Variants in COTL1 observed in about 807,000 individuals in gnomAD.
COTL1 encodes coactosin-like protein.
A neutral mutation model predicts 16.5 loss-of-function variants in COTL1; 15 were observed. The ratio of observed to expected loss-of-function variants is 0.91; its 90% CI spans 0.61 to 1.40. COTL1 has a LOEUF of 1.40. COTL1 is among the 40% of genes most tolerant of loss of function. The probability of loss-of-function intolerance (pLI) is 0.00; values close to 1 mark genes in which losing one functional copy is unlikely to be tolerated. For synonymous variants in COTL1, 112 were observed against 85.3 expected (o/e 1.31, Z -1.73); for missense variants, 220 against 201.5 (o/e 1.09, Z -0.56).
chr16:84,599,746 T>C (rs929356090), intron 2 of COTL1, among the ~76,000 whole-genome samples: 3 of 152,068 alleles, frequency 2.0e-5, no homozygotes, highest in Non-Finnish European at 4.4e-5. Context: ...GGAGAGGTTA[T>C]GCAAACACGG....
In COTL1 at chr16:84,617,745, G is replaced by A. The variant is rs958109094; in HGVS notation, c.77+93C>T. The A allele has an allele frequency of 3.6e-5, 50 of 1,404,372 alleles. No individual in the cohort carries two copies. In the African/African-American group the frequency reaches 5.1e-4, roughly 14 times the overall value. 87.0% of individuals were successfully genotyped at this position (1,404,372 alleles called of 1,614,324 possible). ...TAAGGCGAGGAAGACAGCGCGGGAG[G>A]CCCGAATCCGTCCCGCCTGGAGGCC... On this transcript the variant is annotated intron_variant, in intron 1 of 3. Coordinates refer to ENST00000262428, the MANE Select transcript of COTL1 (RefSeq NM_021149.5).
chr16:84,597,483 G>A (rs888654456), intron 2 of COTL1, among the ~76,000 whole-genome samples: 3 of 152,150 alleles, frequency 2.0e-5, no homozygotes, highest in African/African-American at 4.8e-5. Context: ...CACAGCACCC[G>A]GGAACTTATT....
At chr16:84,579,788 A>G (rs1046451373) in intron 3 of COTL1, among the ~76,000 whole-genome samples, 4 of 152,214 alleles carry the variant, frequency 2.6e-5, no homozygotes, top group African/African-American at 9.7e-5. Flanking sequence ...GAGGTGGACA[A>G]AAGTATGCAG....
intron 2 of COTL1, among the ~76,000 whole-genome samples, chr16:84,608,179 G>A (rs1451519470): frequency 6.6e-6 from 1 of 152,158 alleles, no homozygotes; most frequent in East Asian, 1.9e-4. Context: ...AGAATGAAAT[G>A]GGGTAAAGAA....
At chr16:84,614,950 C>T (rs937374790) in intron 2 of COTL1, among the ~76,000 whole-genome samples, 2 of 152,156 alleles carry the variant, frequency 1.3e-5, no homozygotes, top group Non-Finnish European at 2.9e-5. Context: ...TGCAGGAAGC[C>T]TATTAACCTC....
chr16:84,591,677 G>T (rs1392807883), intron 2 of COTL1, among the ~76,000 whole-genome samples: 2 of 130,380 alleles, frequency 1.5e-5, no homozygotes, highest in Admixed American at 7.6e-5. Flanking sequence ...CAAAAAATTA[G>T]CTGGGCACGG....
intron 2 of COTL1, among the ~76,000 whole-genome samples, chr16:84,602,773 T>C (rs933157805): frequency 1.3e-5 from 2 of 151,618 alleles, no homozygotes; most frequent in African/African-American, 4.9e-5. Context: ...GAGAATTGCT[T>C]GAGTCCAGGA....
chr16:84,590,149 C>G lies in COTL1; in HGVS notation c.274G>C (p.Ala92Pro). ...IGENVSGLQR[A>P]KTGTDKTLVK... is the part of the protein sequence containing the mutation. ...AGGGTCTTGTCCGTCCCGGTTTTGG[C>G]GCGCTGCAGCCCGCTGACGTTCTCA... The change falls in exon 3 of 4, where the codon GCC becomes CCC. Residue 92 changes from alanine to proline, a missense_variant. By Grantham distance (27) the Ala-to-Pro change is conservative. Transcript: ENST00000262428. The surrounding 1 kb of genome is among the most constrained non-coding windows in gnomAD (Gnocchi z 5.5). 6.2e-7 allele frequency: 1 copy of G among 1,613,992 alleles called. No homozygotes were observed. Among genetic ancestry groups the G allele is most frequent in the Non-Finnish European group, 8.5e-7 (1 of 1,179,902 alleles).
Position 84,617,888 on chromosome 16 carries a change from A to G in COTL1, c.27T>C (p.Ala9=), listed in dbSNP as rs1299774901. 11 of 1,568,202 alleles carry G rather than the reference A, an allele frequency of 7.0e-6. No individual in the cohort carries two copies. The highest frequency in any genetic ancestry group is 9.5e-6 in the Non-Finnish European group (11 of 1,157,678). The part of the protein sequence containing the change: MATKIDKE[A]CRAAYNLVRD... ...GCACCAGGTTGTACGCCGCCCGGCA[A>G]GCCTCTTTGTCGATCTTGGTGGCCA... is the stretch of plus-strand genomic sequence containing the variant. Residue 9 remains alanine, a synonymous_variant, in exon 1 of 4, where the codon GCT becomes GCC. Coordinates refer to ENST00000262428, the MANE Select transcript of COTL1 (RefSeq NM_021149.5).
intron 3 of COTL1, among the ~76,000 whole-genome samples, chr16:84,573,824 G>A (rs1284864384): frequency 4.0e-5 from 6 of 151,556 alleles, no homozygotes; most frequent in South Asian, 2.1e-4. Flanking sequence ...AGATCTCTGC[G>A]TTTTACTCTA....
chr16:84,578,396 G>GT (rs1232039168), intron 3 of COTL1, among the ~76,000 whole-genome samples: 9 of 152,110 alleles, frequency 5.9e-5, no homozygotes, highest in African/African-American at 2.2e-4. Flanking sequence ...TACTATCTAC[G>GT]TAACACTTCA....
Position 84,616,627 on chromosome 16 carries a change from T to A in COTL1, c.160+874A>T, listed in dbSNP as rs145823877. On this transcript the variant is annotated intron_variant, in intron 2 of 3. Coordinates refer to ENST00000262428, the MANE Select transcript of COTL1 (RefSeq NM_021149.5). ...CTTGCTTCCAACTAAAGACCAGAGA[T>A]GGGAGGGAGTCGCATTCTCCAATCT... 2.5e-3 allele frequency among the ~76,000 whole-genome samples: 386 copies of A among 152,276 alleles called. 1 individual carries two copies. Among genetic ancestry groups the A allele is most frequent in the African/African-American group, 9.1e-3 (376 of 41,544 alleles).
At chr16:84,597,962 C>T (rs1413150687) in intron 2 of COTL1, among the ~76,000 whole-genome samples, 2 of 152,190 alleles carry the variant, frequency 1.3e-5, no homozygotes, top group East Asian at 1.9e-4. Flanking sequence ...CTGCCTCTAG[C>T]TCCTCTGCTT....
intron 2 of COTL1, among the ~76,000 whole-genome samples, chr16:84,605,869 G>A (rs1483210893): frequency 2.0e-5 from 3 of 152,216 alleles, no homozygotes; most frequent in African/African-American, 4.8e-5. Context: ...AGTGGCCATA[G>A]GAAAGTAACA....
chr16:84,617,157 G>T (rs575463747), intron 2 of COTL1, among the ~76,000 whole-genome samples: 1 of 140,274 alleles, frequency 7.1e-6, no homozygotes, highest in South Asian at 2.2e-4. Flanking sequence ...CTCAGTGACT[G>T]ATCAAAGGGG....
intron 2 of COTL1, among the ~76,000 whole-genome samples, chr16:84,602,002 T>C (rs901347748): frequency 6.6e-6 from 1 of 152,158 alleles, no homozygotes; most frequent in Non-Finnish European, 1.5e-5. Flanking sequence ...AGGCTCAGAA[T>C]GAGCTACAGG....
chr16:84,593,675 C>G (rs1009789795), intron 2 of COTL1, among the ~76,000 whole-genome samples: 10 of 152,138 alleles, frequency 6.6e-5, no homozygotes, highest in African/African-American at 1.9e-4. Flanking sequence ...CCACGCCCGG[C>G]TAATTTTTTG....
chr16:84,589,448 A>G (rs1904808871), intron 3 of COTL1, among the ~76,000 whole-genome samples: 1 of 152,180 alleles, frequency 6.6e-6, no homozygotes, highest in Non-Finnish European at 1.5e-5. Flanking sequence ...CAACAGTTTA[A>G]AGGCGCAGTA....
At chr16:84,612,720 C>G (rs2150697764) in intron 2 of COTL1, among the ~76,000 whole-genome samples, 1 of 152,054 alleles carries the variant, frequency 6.6e-6, no homozygotes, top group African/African-American at 2.4e-5. Context: ...GAGGCAGAGG[C>G]TGCACTCCAG....
Sources: gnomAD v4.1 joint callset for allele counts (sites outside exome capture counted in the v4.1 genomes callset) on GRCh38, gnomAD v4.1.1 for gene constraint, Gnocchi (gnomAD v3.1) non-coding constraint, MANE v1.5 for transcripts, NCBI Gene and HGNC (gene_info 2026-07-23, HGNC 2026-07-21) for gene names.